Variants in RASGRP1 observed in about 807,000 individuals in gnomAD.
The protein encoded by RASGRP1 is RAS guanyl releasing protein 1.
In RASGRP1, 37 loss-of-function variants were observed where a neutral mutation model predicts 95.1. The observed-to-expected ratio is 0.39, with a 90% CI of 0.30 to 0.51. RASGRP1 has a LOEUF of 0.51. RASGRP1 is among the 20% of genes least tolerant of loss of function. RASGRP1 has a pLI of 0.80. For synonymous variants in RASGRP1, 325 were observed against 353.4 expected, an observed-to-expected ratio of 0.92 and a Z score of 0.90; for missense variants, 711 against 965.4, an observed-to-expected ratio of 0.74 and a Z score of 3.49.
intron 2 of RASGRP1, among the ~76,000 whole-genome samples, chr15:38,537,042 T>C (rs1188797801): frequency 2.6e-5 from 4 of 152,204 alleles, no homozygotes; most frequent in Non-Finnish European, 5.9e-5. Flanking sequence ...TGTTTTTTTT[T>C]CCTTTGTTCT....
intron 2 of RASGRP1, among the ~76,000 whole-genome samples, chr15:38,554,121 A>G (rs1028005226): frequency 1.4e-5 from 2 of 144,888 alleles, no homozygotes; most frequent in African/African-American, 5.4e-5. Context: ...ATTATTCCTC[A>G]CGCCAAAGTT....
chr15:38,492,750 C>A (rs905883214), intron 16 of RASGRP1, among the ~76,000 whole-genome samples: 3 of 152,102 alleles, frequency 2.0e-5, no homozygotes, highest in Non-Finnish European at 4.4e-5. Flanking sequence ...CTTGAGCCAG[C>A]CCTGTGAGTT....
intron 2 of RASGRP1, among the ~76,000 whole-genome samples, chr15:38,534,898 T>C (rs1892583037): frequency 6.6e-6 from 1 of 152,178 alleles, no homozygotes; most frequent in Admixed American, 6.5e-5. Flanking sequence ...GGAGCAGGCC[T>C]TTCAAGTTGC....
At chr15:38,532,355 C>T (rs1892475684) in intron 2 of RASGRP1, among the ~76,000 whole-genome samples, 1 of 152,178 alleles carries the variant, frequency 6.6e-6, no homozygotes, top group African/African-American at 2.4e-5. Flanking sequence ...CTTACATACT[C>T]TGCCATTTGA....
rs561921014 is a variant in RASGRP1, at chr15:38,520,709, TA to T, written c.327-1339del. 3.4e-3 allele frequency among the ~76,000 whole-genome samples: 524 copies of T among 152,244 alleles called. 3 individuals are homozygous for T. The highest frequency in any genetic ancestry group is 3.9e-3 in the Non-Finnish European group (264 of 67,990). ...AATTCAGGGAGGTATCTGAAGCACT[TA>T]AAAATTATCTAAGATATAAAATGCA... On this transcript the variant is annotated intron_variant, in intron 3 of 16. Coordinates refer to ENST00000310803, the MANE Select transcript of RASGRP1 (RefSeq NM_005739.4).
intron 9 of RASGRP1, 130 bp from the exon 10 acceptor site, chr15:38,506,050 G>A (rs928456575): frequency 7.5e-6 from 5 of 670,294 alleles, no homozygotes; most frequent in African/African-American, 7.3e-5. Context: ...GTTTTTAAAA[G>A]TCACAAAACA....
chr15:38,509,911 C>G (rs1474657358), intron 8 of RASGRP1, among the ~76,000 whole-genome samples: 1 of 152,122 alleles, frequency 6.6e-6, no homozygotes, highest in East Asian at 1.9e-4. Context: ...AGTACCATTT[C>G]TCCACAATGA....
chr15:38,523,760 ATACT>A (rs1443929607), intron 3 of RASGRP1, among the ~76,000 whole-genome samples: 19 of 152,318 alleles, frequency 1.2e-4, no homozygotes, highest in Middle Eastern at 3.4e-3. Context: ...AGATATATAA[ATACT>A]TACCATGTGC....
chr15:38,547,717 G>A (rs879724115), intron 2 of RASGRP1, among the ~76,000 whole-genome samples: 2 of 150,496 alleles, frequency 1.3e-5, no homozygotes, highest in Non-Finnish European at 2.9e-5. Flanking sequence ...AGCCCCACAT[G>A]TGGTAAATGG....
intron 16 of RASGRP1, among the ~76,000 whole-genome samples, chr15:38,493,297 C>T (rs1158665936): frequency 1.3e-5 from 2 of 151,278 alleles, no homozygotes; most frequent in African/African-American, 2.4e-5. Context: ...CCTGCCTCAG[C>T]CTCCTGAGTA....
intron 2 of RASGRP1, among the ~76,000 whole-genome samples, chr15:38,545,985 T>C (rs534673609): frequency 6.6e-6 from 1 of 152,168 alleles, no homozygotes; most frequent in Admixed American, 6.5e-5. Flanking sequence ...TCTAGTCTCA[T>C]AGCTGTTCGT....
rs1891318737 is a variant in RASGRP1 at position 38,507,726 on chromosome 15, C to T, written c.1242G>A (p.Thr414=). ...EANKDLVHLL[T]LSLDLYYTED... ...AATTGTCCTCCAGTGTGAGCCTCAC[C>T]GTCAGCAAGTGTACCAAGTCCTTGT... is the stretch of plus-strand genomic sequence containing the variant. Residue 414 remains threonine (T), a splice_region_variant and synonymous_variant, in exon 9 of 17, where the codon ACG becomes ACA. Transcript: ENST00000310803. The T allele has an allele frequency of 3.8e-6, 6 of 1,559,038 alleles. No homozygotes were observed. The highest frequency in any genetic ancestry group is 1.9e-5 in the Admixed American group (1 of 51,612).
At chr15:38,504,254 T>G (rs1566912893) in intron 10 of RASGRP1, 1 of 152,092 alleles carries the variant, frequency 6.6e-6, no homozygotes, top group East Asian at 1.9e-4. Context: ...TAGACTACAC[T>G]AAGTTTCTTA....
chr15:38,495,798 T>C (rs1183707897), intron 15 of RASGRP1, among the ~76,000 whole-genome samples: 2 of 152,122 alleles, frequency 1.3e-5, no homozygotes, highest in African/African-American at 4.8e-5. Flanking sequence ...TGGAGGAGTA[T>C]TATGGGTGAT....
intron 2 of RASGRP1, among the ~76,000 whole-genome samples, chr15:38,558,612 G>A (rs1595886512): frequency 6.6e-6 from 1 of 152,292 alleles, no homozygotes; most frequent in East Asian, 1.9e-4. Flanking sequence ...AAACTCTGGG[G>A]TTGGGGCCCA....
chr15:38,550,342 T>A (rs895551354), intron 2 of RASGRP1, among the ~76,000 whole-genome samples: 5 of 151,710 alleles, frequency 3.3e-5, no homozygotes, highest in African/African-American at 1.2e-4. Context: ...GCAAACCCCA[T>A]CTCACTTTCA....
At chr15:38,560,823 A>C (rs994675207) in intron 1 of RASGRP1, among the ~76,000 whole-genome samples, 1 of 152,208 alleles carries the variant, frequency 6.6e-6, no homozygotes, top group African/African-American at 2.4e-5. Context: ...CACTCAGTGT[A>C]AAAGGGCAAG....
intron 8 of RASGRP1, among the ~76,000 whole-genome samples, chr15:38,510,286 G>C (rs181963547): frequency 6.6e-6 from 1 of 152,286 alleles, no homozygotes; most frequent in African/African-American, 2.4e-5. Flanking sequence ...ATTTCTCTCT[G>C]TCACCTCTGA....
chr15:38,560,955 C>G (rs1286450112), intron 1 of RASGRP1, among the ~76,000 whole-genome samples: 1 of 152,140 alleles, frequency 6.6e-6, no homozygotes, highest in East Asian at 1.9e-4. Context: ...AGTTGATTGT[C>G]TTCTCCATTA....
Sources: gnomAD v4.1 joint callset for allele counts (sites outside exome capture counted in the v4.1 genomes callset) on GRCh38, gnomAD v4.1.1 for gene constraint, MANE v1.5 for transcripts, NCBI Gene and HGNC (gene_info 2026-07-23, HGNC 2026-07-21) for gene names.